Variants in MEGF10 observed in about 807,000 individuals in gnomAD.
MEGF10 encodes multiple EGF like domains 10.
MEGF10 carries 86 observed loss-of-function variants against 147.5 expected under a neutral mutation model. The observed-to-expected ratio is 0.58, with a 90% CI of 0.49 to 0.70. MEGF10 has a LOEUF of 0.70. Among genes scored for constraint, MEGF10 ranks in the 30% least tolerant of loss-of-function variants. The probability of loss-of-function intolerance (pLI) is 0.00; values close to 1 mark genes in which losing one functional copy is unlikely to be tolerated. For missense variants in MEGF10, 1,329 were observed against 1,487.3 expected, an observed-to-expected ratio of 0.89 and a Z score of 1.75; for synonymous variants, 478 against 525.5, an observed-to-expected ratio of 0.91 and a Z score of 1.24.
At chr5:127,258,528 G>C in the MEGF10 span, among the ~76,000 whole-genome samples, 1 of 152,134 alleles carries the variant, frequency 6.6e-6, no homozygotes, top group African/African-American at 2.4e-5. Flanking sequence ...AAATAGGATT[G>C]TAGGACAAAA....
At chr5:127,301,324 T>A (rs982265848) in intron 1 of MEGF10, among the ~76,000 whole-genome samples, 2 of 152,194 alleles carry the variant, frequency 1.3e-5, no homozygotes, top group Non-Finnish European at 2.9e-5. Context: ...GTCATTGTAC[T>A]GATAGAACAT....
At chr5:127,362,578 A>T (rs146832085) in intron 4 of MEGF10, among the ~76,000 whole-genome samples, 1 of 151,756 alleles carries the variant, frequency 6.6e-6, no homozygotes, top group Non-Finnish European at 1.5e-5. Flanking sequence ...GTTTGCCAGG[A>T]TGGTCTCCAT....
chr5:127,379,780 A>G (rs906288215), intron 5 of MEGF10, among the ~76,000 whole-genome samples: 2 of 151,668 alleles, frequency 1.3e-5, no homozygotes, highest in Middle Eastern at 3.2e-3. Context: ...TTGTATTTTT[A>G]GTAGAGATGG....
chr5:127,389,931 A>T (rs1256417140), intron 5 of MEGF10, among the ~76,000 whole-genome samples: 1 of 152,186 alleles, frequency 6.6e-6, no homozygotes, highest in African/African-American at 2.4e-5. Context: ...AAAGGAAGAG[A>T]TATGTAAAGC....
chr5:127,367,810 C>T (rs981507899), intron 4 of MEGF10, among the ~76,000 whole-genome samples: 18 of 152,158 alleles, frequency 1.2e-4, no homozygotes, highest in African/African-American at 4.3e-4. Context: ...GCCATCAGTA[C>T]CTAAGACAAG....
At chr5:127,344,530 A>G (rs1161019609) in intron 4 of MEGF10, among the ~76,000 whole-genome samples, 1 of 152,194 alleles carries the variant, frequency 6.6e-6, no homozygotes, top group Non-Finnish European at 1.5e-5. Context: ...TTGGCAGAGT[A>G]GCTTATGAAC....
intron 4 of MEGF10, among the ~76,000 whole-genome samples, chr5:127,356,592 A>G (rs1762289249): frequency 6.6e-6 from 1 of 152,202 alleles, no homozygotes; most frequent in South Asian, 2.1e-4. Flanking sequence ...ATTTAAGCTA[A>G]AAAACAATAG....
chr5:127,261,730 G>T, the MEGF10 span, among the ~76,000 whole-genome samples: 1 of 152,012 alleles, frequency 6.6e-6, no homozygotes, highest in African/African-American at 2.4e-5. Flanking sequence ...ATATATGAAG[G>T]TTCCAATTTC....
At chr5:127,247,310 GA>G in the MEGF10 span, among the ~76,000 whole-genome samples, 1 of 82,984 alleles carries the variant, frequency 1.2e-5, no homozygotes, top group African/African-American at 4.3e-5. Context: ...GAGAGCGAGA[GA>G]AAGAGAGAGA....
intron 6 of MEGF10, among the ~76,000 whole-genome samples, chr5:127,397,149 T>C (rs147117501): frequency 2.0e-5 from 3 of 152,356 alleles, no homozygotes; most frequent in African/African-American, 7.2e-5. Flanking sequence ...TGGTTGTTAA[T>C]GGTCCATGTC....
intron 2 of MEGF10, among the ~76,000 whole-genome samples, chr5:127,338,037 A>C (rs930413971): frequency 2.0e-5 from 3 of 152,152 alleles, no homozygotes; most frequent in African/African-American, 7.2e-5. Context: ...ACCAGAGACC[A>C]GCTGCAGAAA....
intron 1 of MEGF10, among the ~76,000 whole-genome samples, chr5:127,299,168 T>C (rs1759656112): frequency 6.6e-6 from 1 of 152,062 alleles, no homozygotes; most frequent in South Asian, 2.1e-4. Flanking sequence ...ATTTAAAAAA[T>C]AAAAAAGCCT....
At position 127,433,485 on chromosome 5, in the gene MEGF10, T is replaced by C; in HGVS notation, c.1816T>C (p.Phe606Leu). The change falls in exon 14 of 25, where the codon TTC becomes CTC. Residue 606 changes from phenylalanine (F) to leucine (L), a missense_variant. This residue lies in a region of MEGF10 where 980 missense variants were observed against 1,085.9 expected (regional missense o/e 0.90). Coordinates refer to ENST00000503335, the MANE Select transcript of MEGF10 (RefSeq NM_001256545.2). The stretch of plus-strand genomic sequence containing the variant: ...TGGCATCTGCGAGTGTGCACCAGGC[T>C]TCCGAGGCACCACTTGTCAGAGGAG... ...DDGICECAPG[F>L]RGTTCQRICS... 1 of 1,610,478 alleles carries C rather than the reference T, an allele frequency of 6.2e-7. No homozygotes were observed. Among genetic ancestry groups the C allele is most frequent in the Non-Finnish European group, 8.5e-7 (1 of 1,178,222 alleles).
chr5:127,419,237 G>A lies in MEGF10; in HGVS notation c.1423G>A (p.Ala475Thr). The A allele has an allele frequency of 1.2e-6, 2 of 1,612,770 alleles. No homozygotes were observed. Among genetic ancestry groups the A allele is most frequent in the South Asian group, 1.1e-5 (1 of 90,624 alleles). Residue 475 changes from alanine to threonine, a missense_variant, in exon 11 of 25, where the codon GCA becomes ACA. This residue lies in a region of MEGF10 where 980 missense variants were observed against 1,085.9 expected (regional missense o/e 0.90). Coordinates refer to ENST00000503335, the MANE Select transcript of MEGF10 (RefSeq NM_001256545.2). ...TGTGGACGGGTCTTGTACTTGCAAG[G>A]CAGGTAAGAATGGGTAAATAAGTCT... ...SPVDGSCTCK[A>T]GWHGVDCSIR...
At chr5:127,257,889 T>C in the MEGF10 span, among the ~76,000 whole-genome samples, 1 of 152,224 alleles carries the variant, frequency 6.6e-6, no homozygotes, top group African/African-American at 2.4e-5. Context: ...TGGTAAGAGC[T>C]GTCACAAAGA....
intron 4 of MEGF10, among the ~76,000 whole-genome samples, chr5:127,363,098 G>A (rs928299048): frequency 3.9e-5 from 6 of 152,100 alleles, no homozygotes; most frequent in African/African-American, 9.7e-5. Flanking sequence ...CTTGCACTAG[G>A]TCGTGACACC....
At chr5:127,444,882 G>A (rs1048177231) in intron 19 of MEGF10, 1 of 152,692 alleles carries the variant, frequency 6.5e-6, no homozygotes, top group African/African-American at 2.4e-5. Flanking sequence ...ATTACTCTTA[G>A]AAATGCTAAG....
intron 4 of MEGF10, among the ~76,000 whole-genome samples, chr5:127,354,829 G>A (rs1385831413): frequency 2.0e-5 from 3 of 152,142 alleles, no homozygotes; most frequent in Non-Finnish European, 2.9e-5. Context: ...CAACAGTTTT[G>A]TGTTGGGGAT....
intron 1 of MEGF10, among the ~76,000 whole-genome samples, chr5:127,317,435 A>G (rs1307862112): frequency 3.3e-5 from 5 of 152,208 alleles, no homozygotes; most frequent in Admixed American, 3.3e-4. Context: ...GTTTTCTTCT[A>G]GGGTTTTTAT....
Sources: gnomAD v4.1 joint callset for allele counts (sites outside exome capture counted in the v4.1 genomes callset) on GRCh38, gnomAD v4.1.1 for gene constraint, gnomAD v4.1.1 regional missense constraint, MANE v1.5 for transcripts, NCBI Gene and HGNC (gene_info 2026-07-23, HGNC 2026-07-21) for gene names.